The following KIAA0319L variants were observed in gnomAD, a reference collection of about 807,000 sequenced individuals.
KIAA0319L encodes dyslexia-associated protein KIAA0319-like protein.
A neutral mutation model predicts 120.1 loss-of-function variants in KIAA0319L; 55 were observed. That is an observed-to-expected ratio of 0.46 (90% CI 0.37 to 0.57). The LOEUF (loss-of-function observed/expected upper bound fraction) is 0.57. KIAA0319L is among the 20% of genes least tolerant of loss of function. The pLI is 0.00. For missense variants in KIAA0319L, 1,049 were observed against 1,255.3 expected (o/e 0.84, Z 2.48); for synonymous variants, 398 against 471.9 (o/e 0.84, Z 2.03).
intron 20 of KIAA0319L, 58 bp downstream of exon 20, chr1:35,440,989 G>T: frequency 1.5e-6 from 2 of 1,328,544 alleles, no homozygotes; most frequent in Non-Finnish European, 1.1e-6. Flanking sequence ...GCTAGTGACA[G>T]CAGCCTTCCA....
At chr1:35,556,348 T>C (rs186345171) in intron 1 of KIAA0319L, 1 of 152,382 alleles carries the variant, frequency 6.6e-6, no homozygotes, top group East Asian at 1.9e-4. Context: ...AGCGATAAGA[T>C]ATGTTTGAAC....
In KIAA0319L at chr1:35,435,130, G is replaced by A. The variant is rs371460488; in HGVS notation, c.2963-49C>T. 12 of 1,548,764 alleles carry A rather than the reference G, an allele frequency of 7.7e-6. No homozygotes were observed. The African/African-American group carries it at 1.6e-4, about 21-fold the overall frequency. The stretch of plus-strand genomic sequence containing the variant: ...GCATCAGGAGACTGGCCTCAAGGCT[G>A]GAGCCACCCCCACACCTTACCCCAG... On this transcript the variant is annotated intron_variant, in intron 20 of 20. Coordinates refer to ENST00000325722, the MANE Select transcript of KIAA0319L (RefSeq NM_024874.5).
intron 20 of KIAA0319L, chr1:35,435,470 G>A (rs1354607714): frequency 5.6e-6 from 1 of 178,034 alleles, no homozygotes; most frequent in East Asian, 1.7e-4. Flanking sequence ...TCAGGCTCTG[G>A]AGAATGAGCT....
At chr1:35,520,960 C>T (rs552331068) in intron 2 of KIAA0319L, among the ~76,000 whole-genome samples, 6 of 152,216 alleles carry the variant, frequency 3.9e-5, no homozygotes, top group South Asian at 2.1e-4. Flanking sequence ...CTATGTGACA[C>T]GATATCAAAA....
intron 10 of KIAA0319L, chr1:35,454,790 A>C: frequency 3.5e-6 from 1 of 285,692 alleles, no homozygotes; most frequent in Non-Finnish European, 6.3e-6. Flanking sequence ...AGTCTCTATG[A>C]CTCAAACCAG....
At chr1:35,470,492 CAAAAAAAAAAAAAA>C (rs34215571) in intron 6 of KIAA0319L, among the ~76,000 whole-genome samples, 1 of 73,436 alleles carries the variant, frequency 1.4e-5, no homozygotes, top group East Asian at 4.0e-4. Context: ...GACCCTGTCT[CAAAAAAAAAAAAAA>C]AAAAAAAAGA....
At chr1:35,513,288 A>ATATATATATATTTTTT (rs1414704674) in intron 2 of KIAA0319L, among the ~76,000 whole-genome samples, 2 of 85,302 alleles carry the variant, frequency 2.3e-5, no homozygotes, top group East Asian at 2.9e-4. Context: ...ATATATATAT[A>ATATATATATATTTTTT]TTTTTTTTTT....
intron 6 of KIAA0319L, 113 bp downstream of exon 6, chr1:35,470,750 T>C (rs1222378485): frequency 2.9e-6 from 2 of 700,844 alleles, no homozygotes; most frequent in African/African-American, 3.6e-5. Context: ...GGAGGATTCA[T>C]TTCTAAAAGA....
chr1:35,444,861 GGCT>G (rs1160296973), intron 16 of KIAA0319L, among the ~76,000 whole-genome samples: 21 of 152,182 alleles, frequency 1.4e-4, no homozygotes, highest in African/African-American at 3.9e-4. Context: ...ACTGTAGTAT[GGCT>G]GCTATGAACT....
intron 2 of KIAA0319L, among the ~76,000 whole-genome samples, chr1:35,531,557 A>G (rs1284336869): frequency 6.6e-6 from 1 of 152,178 alleles, no homozygotes; most frequent in Non-Finnish European, 1.5e-5. Context: ...ATGCCATCAC[A>G]CAGGCTCCAG....
chr1:35,458,473 A>G (rs544081018), intron 9 of KIAA0319L, among the ~76,000 whole-genome samples: 1 of 152,276 alleles, frequency 6.6e-6, no homozygotes, highest in South Asian at 2.1e-4. Context: ...AATCAAATCA[A>G]ATCATATCAT....
At chr1:35,504,357 C>T (rs922840220) in intron 3 of KIAA0319L, among the ~76,000 whole-genome samples, 5 of 152,016 alleles carry the variant, frequency 3.3e-5, no homozygotes, top group South Asian at 2.1e-4. Flanking sequence ...CCACCACGCC[C>T]GGCTAACTTT....
intron 10 of KIAA0319L, among the ~76,000 whole-genome samples, chr1:35,455,561 A>G (rs1570658543): frequency 1.3e-5 from 2 of 150,538 alleles, no homozygotes; most frequent in East Asian, 3.9e-4. Context: ...CTAATACTAA[A>G]CATTTAAGAT....
At chr1:35,444,374 AG>A in intron 16 of KIAA0319L, 71 bp from the exon 17 acceptor site, 1 of 1,416,110 alleles carries the variant, frequency 7.1e-7, no homozygotes, top group Non-Finnish European at 9.5e-7. Context: ...ACATTTACTA[AG>A]TACCTTCTGT....
chr1:35,526,014 T>C (rs1420511927), intron 2 of KIAA0319L, among the ~76,000 whole-genome samples: 1 of 152,072 alleles, frequency 6.6e-6, no homozygotes, highest in Non-Finnish European at 1.5e-5. Context: ...TTTTTGTATA[T>C]GATGACAGAC....
chr1:35,509,502 A>C (rs1240847532), intron 2 of KIAA0319L, among the ~76,000 whole-genome samples: 1 of 152,280 alleles, frequency 6.6e-6, no homozygotes, highest in African/African-American at 2.4e-5. Flanking sequence ...TGACAGAGGC[A>C]GAGATTGGAG....
rs975394322 is a variant in KIAA0319L at position 35,453,393 on chromosome 1, A to C, written c.1913+164T>G. Among the ~76,000 whole-genome samples the C allele has an allele frequency of 6.6e-6, 1 of 152,198 alleles. No homozygotes were observed. Among genetic ancestry groups the C allele is most frequent in the Non-Finnish European group, 1.5e-5 (1 of 68,030 alleles). On this transcript the variant is annotated intron_variant, in intron 12 of 20. Transcript: ENST00000325722. This position sits in a 1 kb window ranked among gnomAD's most constrained non-coding sequence, Gnocchi z 4.1. Reference sequence around the variant, plus strand: ...TTTTCTTACAAAAATTATGATTATAATATCATTTTCTTGGAGTTGAAGTTT... The same window carrying C: ...TTTTCTTACAAAAATTATGATTATACTATCATTTTCTTGGAGTTGAAGTTT...
intron 6 of KIAA0319L, among the ~76,000 whole-genome samples, chr1:35,469,563 T>C (rs551323541): frequency 1.3e-5 from 2 of 151,864 alleles, no homozygotes; most frequent in East Asian, 3.9e-4. Context: ...TTCGCTCCCA[T>C]TTTTGGCCCA....
intron 2 of KIAA0319L, chr1:35,511,502 G>T (rs929847223): frequency 2.6e-5 from 4 of 152,102 alleles, no homozygotes; most frequent in Non-Finnish European, 5.9e-5. Context: ...AGATGAGGTG[G>T]GAGGACCACT....
Sources: gnomAD v4.1 joint callset for allele counts (sites outside exome capture counted in the v4.1 genomes callset) on GRCh38, gnomAD v4.1.1 for gene constraint, Gnocchi (gnomAD v3.1) non-coding constraint, MANE v1.5 for transcripts, NCBI Gene and HGNC (gene_info 2026-07-23, HGNC 2026-07-21) for gene names.